SLC35A3: variants seen among roughly 807,000 people sequenced by gnomAD.
The protein encoded by SLC35A3 is UDP-N-acetylglucosamine transporter.
SLC35A3 carries 26 observed loss-of-function variants against 39.0 expected under a neutral mutation model. The observed-to-expected ratio is 0.67, with a 90% confidence interval of 0.49 to 0.92. SLC35A3 has a LOEUF of 0.92. SLC35A3 is among the 40% of genes least tolerant of loss of function. The probability of loss-of-function intolerance (pLI) is 0.00; values close to 1 mark genes in which losing one functional copy is unlikely to be tolerated. For missense variants in SLC35A3, 299 were observed against 371.6 expected (o/e 0.80, Z 1.61); for synonymous variants, 135 against 133.1 (o/e 1.01, Z -0.10).
At chr1:99,977,317 A>G (rs1657164546) in intron 1 of SLC35A3, among the ~76,000 whole-genome samples, 1 of 149,720 alleles carries the variant, frequency 6.7e-6, no homozygotes, top group Non-Finnish European at 1.5e-5. Flanking sequence ...CAGGAGTTTG[A>G]GAACAGCCTG....
chr1:100,007,281 CAT>C lies in SLC35A3; in HGVS notation c.465+128_465+129del, dbSNP rs978883484. The C allele has an allele frequency of 5.4e-5, 46 of 849,932 alleles. No homozygotes were observed. The African/African-American group carries it at 5.9e-4, about 11-fold the overall frequency. 52.6% of individuals were successfully genotyped at this position (849,932 alleles called of 1,614,324 possible). ...AACAAATGTTTTTCCCCACAACTAACATATGTTTTGAGGGCATCCTTTATGTG... is the reference window on the plus strand; with the variant it reads ...AACAAATGTTTTTCCCCACAACTAACATGTTTTGAGGGCATCCTTTATGTG... On this transcript the variant is annotated intron_variant, in intron 4 of 7. Transcript: ENST00000533028.
At position 100,027,311 on chromosome 1, in the gene SLC35A3, A is replaced by G. The variant is rs473688; in HGVS notation, c.*4835A>G. 31,315 of 393,776 alleles carry G rather than the reference A, an allele frequency of 0.08. 1,951 individuals are homozygous for G. Among genetic ancestry groups the G allele is most frequent in the African/African-American group, 0.23 (11,130 of 48,528 alleles). 24.4% of individuals were successfully genotyped at this position (393,776 alleles called of 1,614,324 possible). A position where few individuals can be genotyped will look rare whatever the true frequency, so the allele number is the denominator to read the frequency against. ...AAAATCTTAAAAATAAAATTAGCCA[A>G]TATGTGGGCATGCACCTGTGGGGCC... On this transcript the variant is annotated 3_prime_UTR_variant, in exon 8 of 8. Transcript: ENST00000533028.
At chr1:100,021,794 C>A (rs1660570688) in intron 7 of SLC35A3, among the ~76,000 whole-genome samples, 1 of 152,154 alleles carries the variant, frequency 6.6e-6, no homozygotes, top group African/African-American at 2.4e-5. Flanking sequence ...AAACCAAGAA[C>A]TCCCTGCATT....
rs768961467 is a variant in SLC35A3, at chr1:100,035,167, G to T, written c.*12691G>T. 6.6e-6 allele frequency: 1 copy of T among 152,026 alleles called. No homozygotes were observed. The highest frequency in any genetic ancestry group is 1.5e-5 in the Non-Finnish European group (1 of 68,010). 9.4% of individuals were successfully genotyped at this position (152,026 alleles called of 1,614,324 possible). On this transcript the variant is annotated 3_prime_UTR_variant, in exon 8 of 8. Transcript: ENST00000533028. The stretch of plus-strand genomic sequence containing the variant: ...CCTTACATAAAATGGCATAGTATTT[G>T]GTTATCATCCTCCCCATACATCATC...
chr1:99,975,733 C>T (rs1303366911), intron 1 of SLC35A3, among the ~76,000 whole-genome samples: 1 of 152,092 alleles, frequency 6.6e-6, no homozygotes, highest in Non-Finnish European at 1.5e-5. Context: ...GGAGTTTGGA[C>T]TCTATCCTCT....
In SLC35A3 at chr1:100,011,460, C is replaced by T. The variant is rs112451945; in HGVS notation, c.561C>T (p.Gly187=). Residue 187 remains glycine (G), a synonymous_variant, in exon 5 of 8, where the codon GGC becomes GGT. Transcript: ENST00000533028. The part of the protein sequence containing the change: ...MAVLTACFSS[G]FAGVYFEKIL... ...TTCTCACAGCATGTTTTTCAAGTGGCTTTGCTGGGGTTTACTTTGAGAAAA... is the reference window on the plus strand; with the variant it reads ...TTCTCACAGCATGTTTTTCAAGTGGTTTTGCTGGGGTTTACTTTGAGAAAA... 2.5e-5 allele frequency: 39 copies of T among 1,581,648 alleles called. 1 individual carries two copies. Among genetic ancestry groups the T allele is most frequent in the African/African-American group, 1.5e-4 (11 of 74,298 alleles).
chr1:100,011,194 G>A (rs1389883953), intron 4 of SLC35A3, among the ~76,000 whole-genome samples, 171 bp from the exon 5 acceptor site: 1 of 152,120 alleles, frequency 6.6e-6, no homozygotes, highest in Admixed American at 6.6e-5. Flanking sequence ...TATTATCACT[G>A]TGAGGAAAAA....
chr1:100,012,815 A>C (rs1659760399), intron 5 of SLC35A3, among the ~76,000 whole-genome samples: 1 of 152,240 alleles, frequency 6.6e-6, no homozygotes, highest in Non-Finnish European at 1.5e-5. Flanking sequence ...CCATTCTAAA[A>C]AACAGAAAAC....
intron 1 of SLC35A3, among the ~76,000 whole-genome samples, chr1:99,991,249 A>T (rs1322700496): frequency 6.6e-6 from 1 of 152,100 alleles, no homozygotes; most frequent in Non-Finnish European, 1.5e-5. Flanking sequence ...GGTTCAATCA[A>T]TTCTCCTGCC....
chr1:100,023,107 A>T lies in SLC35A3; in HGVS notation c.*631A>T, dbSNP rs954902634. The T allele has an allele frequency of 6.6e-6, 1 of 152,168 alleles. No homozygotes were observed. Among genetic ancestry groups the T allele is most frequent in the Non-Finnish European group, 1.5e-5 (1 of 68,028 alleles). The allele number at this position is 152,168 out of a possible 1,614,324, so 9.4% of individuals were successfully genotyped here. ...TAAATTTAATGTAGAGATACATACTATTTCTCCATATGAATTTTAAGATAT... is the reference window on the plus strand; with the variant it reads ...TAAATTTAATGTAGAGATACATACTTTTTCTCCATATGAATTTTAAGATAT... On this transcript the variant is annotated 3_prime_UTR_variant, in exon 8 of 8. Transcript: ENST00000533028.
At chr1:100,010,933 G>T (rs1256148971) in intron 4 of SLC35A3, among the ~76,000 whole-genome samples, 1 of 152,004 alleles carries the variant, frequency 6.6e-6, no homozygotes, top group African/African-American at 2.4e-5. Context: ...GTTTGGGGGG[G>T]TTCACCTCCC....
chr1:100,000,159 G>A (rs2101207596), intron 3 of SLC35A3, among the ~76,000 whole-genome samples: 1 of 152,208 alleles, frequency 6.6e-6, no homozygotes, highest in African/African-American at 2.4e-5. Flanking sequence ...GCTTTGTACT[G>A]TTTTCCATAG....
intron 4 of SLC35A3, among the ~76,000 whole-genome samples, chr1:100,009,806 T>C (rs1274997552): frequency 1.3e-5 from 2 of 152,314 alleles, no homozygotes; most frequent in East Asian, 3.9e-4. Flanking sequence ...TTAATAGATA[T>C]AAAGGTATCA....
In SLC35A3 at chr1:100,015,392, G is replaced by A. The variant is rs760633616; in HGVS notation, c.725G>A (p.Arg242Gln). ...SKNGFFQGYNRLTWIVVVLQA... is the reference protein window; with the variant it reads ...SKNGFFQGYNQLTWIVVVLQA... ...AATGGATTTTTTCAGGGATATAACC[G>A]ACTGACCTGGATAGTAGTTGTTCTT... The change falls in exon 6 of 8, where the codon CGA becomes CAA. Residue 242 changes from arginine to glutamine, a missense_variant. By Grantham distance (43) the Arg-to-Gln change is conservative. Coordinates refer to ENST00000533028, the MANE Select transcript of SLC35A3 (RefSeq NM_012243.3). 16 of 1,612,720 alleles carry A rather than the reference G, an allele frequency of 9.9e-6. No homozygotes were observed. The highest frequency in any genetic ancestry group is 2.2e-5 in the East Asian group (1 of 44,772).
At chr1:99,995,446 C>G (rs1658351462) in intron 2 of SLC35A3, among the ~76,000 whole-genome samples, 1 of 152,052 alleles carries the variant, frequency 6.6e-6, no homozygotes, top group Admixed American at 6.6e-5. Context: ...AGCCACCACA[C>G]CTGGCCCTTT....
intron 3 of SLC35A3, among the ~76,000 whole-genome samples, chr1:100,003,617 T>G (rs1201073679): frequency 1.3e-5 from 2 of 152,146 alleles, no homozygotes; most frequent in Non-Finnish European, 2.9e-5. Flanking sequence ...GTTTTGTGAA[T>G]GTCTGGGAGT....
At position 99,997,410 on chromosome 1, in the gene SLC35A3, T is replaced by TATATATATA. The variant is rs1658469252; in HGVS notation, c.188-1851_188-1850insATATATATA. On this transcript the variant is annotated intron_variant, in intron 2 of 7. Transcript: ENST00000533028. ...ACAGTTATATGTTTTATATATAGTT[T>TATATATATA]TATATATATATATATATATATATAT... Among the ~76,000 whole-genome samples the TATATATATA allele has an allele frequency of 4.7e-4, 43 of 92,092 alleles. 2 individuals carry two copies. Among genetic ancestry groups the TATATATATA allele is most frequent in the South Asian group, 2.0e-3 (4 of 2,016 alleles). 60.4% of individuals were successfully genotyped at this position (92,092 alleles called of 152,430 possible).
intron 7 of SLC35A3, 142 bp from the exon 8 acceptor site, chr1:100,022,244 A>C (rs1363927455): frequency 1.8e-6 from 1 of 542,580 alleles, no homozygotes; most frequent in Non-Finnish European, 3.3e-6. Context: ...CCTGGAATGT[A>C]GTAAGTACTC....
intron 2 of SLC35A3, among the ~76,000 whole-genome samples, chr1:99,997,413 TA>T (rs1658472980): frequency 2.7e-4 from 4 of 14,552 alleles, no homozygotes; most frequent in African/African-American, 6.0e-4. Context: ...TATAGTTTTA[TA>T]TATATATATA....
Sources: allele counts gnomAD v4.1 joint callset (sites outside exome capture counted in the v4.1 genomes callset), GRCh38; gene constraint gnomAD v4.1.1; transcripts MANE v1.5; gene names NCBI Gene and HGNC (gene_info 2026-07-23, HGNC 2026-07-21).